MED27: variants seen among roughly 807,000 people sequenced by gnomAD.
MED27 encodes mediator of RNA polymerase II transcription subunit 27.
MED27 carries 30 observed loss-of-function variants against 38.2 expected under a neutral mutation model. That is an observed-to-expected ratio of 0.79 (90% CI 0.59 to 1.07). The LOEUF (loss-of-function observed/expected upper bound fraction) is 1.07, where lower values mean the gene tolerates loss of function less well. MED27 is among the 50% of genes least tolerant of loss of function. The pLI is 0.00. For missense variants in MED27, 289 were observed against 397.5 expected (o/e 0.73, Z 2.32); for synonymous variants, 122 against 153.5 (o/e 0.79, Z 1.52).
intron 3 of MED27, among the ~76,000 whole-genome samples, chr9:132,013,233 T>C (rs1222613442): frequency 6.6e-6 from 1 of 152,230 alleles, no homozygotes; most frequent in African/African-American, 2.4e-5. Context: ...AAATGTGGCA[T>C]ATTCAAAGGA....
rs192013431 is a variant in MED27, at chr9:131,972,152, A to G, written c.480-32678T>C. On this transcript the variant is annotated intron_variant, in intron 3 of 7. Transcript: ENST00000292035. ...GTTTCAAATATGAGAGGTTTGAAGCAATGAATATTTATTTCAGATCTTTCT... is the reference window on the plus strand; with the variant it reads ...GTTTCAAATATGAGAGGTTTGAAGCGATGAATATTTATTTCAGATCTTTCT... Among the ~76,000 whole-genome samples the G allele has an allele frequency of 2.0e-5, 3 of 152,358 alleles. No homozygotes were observed. In the East Asian group the frequency reaches 5.8e-4, roughly 29 times the overall value.
At position 132,069,632 on chromosome 9, in the gene MED27, G is replaced by A. The variant is rs192787079; in HGVS notation, c.348+7810C>T. Reference sequence around the variant, plus strand: ...CTGTGTGTACTTCAGAAACATTACTGGACTAGAGCTGAAGAGGTGGAAATA... The same window carrying A: ...CTGTGTGTACTTCAGAAACATTACTAGACTAGAGCTGAAGAGGTGGAAATA... On this transcript the variant is annotated intron_variant, in intron 2 of 7. Transcript: ENST00000292035. Among the ~76,000 whole-genome samples, 211 of 152,286 alleles carry A rather than the reference G, an allele frequency of 1.4e-3. 1 individual carries two copies. Among genetic ancestry groups the A allele is most frequent in the Non-Finnish European group, 2.0e-3 (135 of 68,016 alleles).
At chr9:131,903,300 T>C (rs1249402814) in intron 4 of MED27, among the ~76,000 whole-genome samples, 6 of 152,106 alleles carry the variant, frequency 3.9e-5, no homozygotes, top group Non-Finnish European at 8.8e-5. Flanking sequence ...CATCAGATCT[T>C]GTGAGATCCA....
At chr9:132,067,391 C>T (rs1011607910) in intron 2 of MED27, among the ~76,000 whole-genome samples, 1 of 152,208 alleles carries the variant, frequency 6.6e-6, no homozygotes, top group Non-Finnish European at 1.5e-5. Flanking sequence ...CAAAGCCTTG[C>T]TTCCCAGAGA....
intron 4 of MED27, among the ~76,000 whole-genome samples, chr9:131,924,633 T>C (rs572797865): frequency 2.0e-5 from 3 of 152,322 alleles, no homozygotes; most frequent in Non-Finnish European, 2.9e-5. Context: ...AATTTCCACA[T>C]GTACTTGGGT....
At chr9:131,955,102 T>A (rs1042345912) in intron 3 of MED27, among the ~76,000 whole-genome samples, 13 of 151,658 alleles carry the variant, frequency 8.6e-5, no homozygotes, top group African/African-American at 3.2e-4. Context: ...TGACCACAAC[T>A]GAAGTGAAAA....
intron 2 of MED27, among the ~76,000 whole-genome samples, chr9:132,025,552 G>C (rs1481759340): frequency 6.6e-6 from 1 of 152,228 alleles, no homozygotes; most frequent in African/African-American, 2.4e-5. Context: ...ATCTAATTAA[G>C]AATGTGGGTT....
intron 3 of MED27, among the ~76,000 whole-genome samples, chr9:131,950,646 C>CA (rs1259799390): frequency 6.6e-6 from 1 of 152,196 alleles, no homozygotes; most frequent in Admixed American, 6.5e-5. Flanking sequence ...CAAATGCACA[C>CA]TCAGAGTCAG....
intron 2 of MED27, among the ~76,000 whole-genome samples, chr9:132,015,718 G>C (rs990811300): frequency 6.6e-6 from 1 of 152,090 alleles, no homozygotes; most frequent in East Asian, 1.9e-4. Flanking sequence ...CCAATTTGAC[G>C]TGTGACAATA....
In MED27 at chr9:131,911,998, T is replaced by G. The variant is rs546001272; in HGVS notation, c.574-18006A>C. Reference sequence around the variant, plus strand: ...GCCAGTGGTACCTCTGCCTTAGAACTTGGCAAATCTTAAAAAGCAAGGGCC... The same window carrying G: ...GCCAGTGGTACCTCTGCCTTAGAACGTGGCAAATCTTAAAAAGCAAGGGCC... On this transcript the variant is annotated intron_variant, in intron 4 of 7. Transcript: ENST00000292035. 2.0e-5 allele frequency among the ~76,000 whole-genome samples: 3 copies of G among 152,260 alleles called. No homozygotes were observed. The South Asian group carries it at 6.2e-4, about 32-fold the overall frequency.
intron 2 of MED27, among the ~76,000 whole-genome samples, chr9:132,023,543 C>T (rs568681855): frequency 6.6e-6 from 1 of 152,310 alleles, no homozygotes; most frequent in East Asian, 1.9e-4. Flanking sequence ...GCTTTAAGCA[C>T]CATTTTCATT....
At chr9:132,066,164 A>G (rs758953221) in intron 2 of MED27, among the ~76,000 whole-genome samples, 1 of 152,222 alleles carries the variant, frequency 6.6e-6, no homozygotes, top group Admixed American at 6.5e-5. Flanking sequence ...AGGCAGCCGC[A>G]GTGTGGTCAG....
chr9:131,983,851 A>G (rs1478388710), intron 3 of MED27, among the ~76,000 whole-genome samples: 4 of 152,200 alleles, frequency 2.6e-5, no homozygotes, highest in Non-Finnish European at 5.9e-5. Context: ...CAAAACAAGA[A>G]CTATTGTTTA....
chr9:132,033,131 T>C (rs1306109374), intron 2 of MED27, among the ~76,000 whole-genome samples: 4 of 152,338 alleles, frequency 2.6e-5, no homozygotes, highest in Non-Finnish European at 5.9e-5. Flanking sequence ...CCTGTCATAG[T>C]CTCTGGATTT....
At chr9:131,971,003 T>C (rs146146170) in intron 3 of MED27, among the ~76,000 whole-genome samples, 9 of 152,348 alleles carry the variant, frequency 5.9e-5, no homozygotes, top group Middle Eastern at 3.4e-3. Flanking sequence ...AATGTCCTTA[T>C]TTTGCAGAAA....
chr9:132,039,366 GATA>G (rs1833153882), intron 2 of MED27, among the ~76,000 whole-genome samples: 1 of 152,228 alleles, frequency 6.6e-6, no homozygotes, highest in African/African-American at 2.4e-5. Flanking sequence ...AAGTGAGAAC[GATA>G]ATAATAATAG....
chr9:131,905,701 CAAAAAAAAAAAA>C (rs58848280), intron 4 of MED27, among the ~76,000 whole-genome samples: 76 of 60,948 alleles, frequency 1.2e-3, no homozygotes, highest in African/African-American at 4.8e-3. Flanking sequence ...AAGACCTTGT[CAAAAAAAAAAAA>C]AAAAAAAAAA....
chr9:131,910,176 G>A (rs1830161738), intron 4 of MED27, among the ~76,000 whole-genome samples: 1 of 152,088 alleles, frequency 6.6e-6, no homozygotes, highest in Non-Finnish European at 1.5e-5. Flanking sequence ...TTCCTTCTCA[G>A]ATTTACCACC....
chr9:131,881,845 C>T (rs1233254349), intron 6 of MED27, among the ~76,000 whole-genome samples: 11 of 117,358 alleles, frequency 9.4e-5, no homozygotes, highest in Non-Finnish European at 6.7e-5. Flanking sequence ...TGCTCTGTCA[C>T]CCAGGCTGGA....
Sources: gnomAD v4.1 joint callset for allele counts (sites outside exome capture counted in the v4.1 genomes callset) on GRCh38, gnomAD v4.1.1 for gene constraint, MANE v1.5 for transcripts, NCBI Gene and HGNC (gene_info 2026-07-23, HGNC 2026-07-21) for gene names.